KAZN: variants seen among roughly 807,000 people sequenced by gnomAD.
KAZN encodes kazrin, periplakin interacting protein, also known as kazrin.
Under a neutral mutation model 87.4 loss-of-function variants are expected in KAZN, and 40 were observed. That is an observed-to-expected ratio of 0.46 (90% CI 0.36 to 0.60). The LOEUF (loss-of-function observed/expected upper bound fraction) is 0.60. Ranked by LOEUF, KAZN falls within the 20% of genes least tolerant of loss-of-function variation. The pLI, the probability that KAZN is intolerant of heterozygous loss-of-function variation, is 0.00. For synonymous variants in KAZN, 466 were observed against 458.3 expected, an observed-to-expected ratio of 1.02 and a Z score of -0.22; for missense variants, 898 against 1,073.9, an observed-to-expected ratio of 0.84 and a Z score of 2.29.
chr1:14,934,021 A>AT (rs577427377), intron 1 of KAZN, among the ~76,000 whole-genome samples: 3 of 150,456 alleles, frequency 2.0e-5, no homozygotes, highest in East Asian at 4.0e-4. Context: ...ACGCCTGGCT[A>AT]TTTTTTTGTA....
At chr1:15,029,016 TATCTTCC>T (rs1671431057) in intron 2 of KAZN, among the ~76,000 whole-genome samples, 1 of 152,222 alleles carries the variant, frequency 6.6e-6, no homozygotes, top group African/African-American at 2.4e-5. Context: ...TCTTAGCTCA[TATCTTCC>T]ATCCTTGTGC....
intron 1 of KAZN, among the ~76,000 whole-genome samples, chr1:13,973,888 T>C (rs565822993): frequency 9.9e-5 from 15 of 152,256 alleles, no homozygotes; most frequent in Non-Finnish European, 1.9e-4. Flanking sequence ...CTGCATCGGG[T>C]GTCCCCACGA....
chr1:14,909,199 C>T (rs1185160389), intron 1 of KAZN, among the ~76,000 whole-genome samples: 1 of 152,142 alleles, frequency 6.6e-6, no homozygotes, highest in Non-Finnish European at 1.5e-5. Flanking sequence ...TAGGGTTTGG[C>T]GGCACATGGT....
Position 14,883,368 on chromosome 1 carries a change from A to G in KAZN, c.227-77316A>G, listed in dbSNP as rs1291974794. 5.1e-5 allele frequency among the ~76,000 whole-genome samples: 4 copies of G among 78,892 alleles called. 1 individual carries two copies. Among genetic ancestry groups the G allele is most frequent in the Non-Finnish European group, 7.7e-5 (3 of 38,922 alleles). The allele number at this position is 78,892 out of a possible 152,430, so 51.8% of individuals were successfully genotyped here. A position where few individuals can be genotyped will look rare whatever the true frequency, so the allele number is the denominator to read the frequency against. ...AAAGAAAGAAAGAAAAGAAAGAAAG[A>G]AAGAAAGAAAGAAAGAAAGAAAGAA... On this transcript the variant is annotated intron_variant, in intron 1 of 14. Transcript: ENST00000376030.
At chr1:15,023,928 T>G (rs1670934346) in intron 2 of KAZN, among the ~76,000 whole-genome samples, 1 of 151,982 alleles carries the variant, frequency 6.6e-6, no homozygotes, top group Non-Finnish European at 1.5e-5. Context: ...TCAAGGAAGA[T>G]TCCAGAGTTT....
At chr1:14,249,879 C>A (rs763521304) in intron 2 of KAZN, among the ~76,000 whole-genome samples, 12 of 150,004 alleles carry the variant, frequency 8.0e-5, no homozygotes, top group Non-Finnish European at 1.5e-4. Flanking sequence ...AAAAAAAAAA[C>A]AGATACCCCT....
At chr1:14,817,438 C>T (rs1466895590) in intron 1 of KAZN, among the ~76,000 whole-genome samples, 1 of 152,200 alleles carries the variant, frequency 6.6e-6, no homozygotes, top group African/African-American at 2.4e-5. Context: ...GCTCCCCTCC[C>T]TATCTAGCAT....
At chr1:14,039,835 C>G (rs1213532384) in intron 1 of KAZN, among the ~76,000 whole-genome samples, 1 of 152,174 alleles carries the variant, frequency 6.6e-6, no homozygotes, top group Non-Finnish European at 1.5e-5. Flanking sequence ...TGTGGATTAT[C>G]TAGATTTTTC....
intron 1 of KAZN, among the ~76,000 whole-genome samples, chr1:14,826,283 G>T (rs1646883102): frequency 1.3e-5 from 2 of 152,364 alleles, no homozygotes; most frequent in African/African-American, 4.8e-5. Context: ...TGTGCTAATT[G>T]TCTGCGGATG....
At chr1:14,239,953 G>C (rs893597458) in intron 2 of KAZN, among the ~76,000 whole-genome samples, 1 of 152,164 alleles carries the variant, frequency 6.6e-6, no homozygotes, top group African/African-American at 2.4e-5. Context: ...CCTCAACAAA[G>C]ATGTACCCAG....
intron 2 of KAZN, among the ~76,000 whole-genome samples, chr1:15,003,798 G>A (rs969773168): frequency 7.2e-5 from 11 of 152,074 alleles, no homozygotes; most frequent in Admixed American, 4.6e-4. Context: ...TCTTCCCCAG[G>A]TGTGCCGTAA....
At chr1:14,507,481 A>G (rs573254300) in intron 2 of KAZN, among the ~76,000 whole-genome samples, 1 of 152,332 alleles carries the variant, frequency 6.6e-6, no homozygotes, top group African/African-American at 2.4e-5. Flanking sequence ...TAGAAGACCT[A>G]AAGAGCCTGT....
chr1:14,246,624 C>A (rs1041038693), intron 2 of KAZN, among the ~76,000 whole-genome samples: 5 of 152,114 alleles, frequency 3.3e-5, no homozygotes, highest in African/African-American at 1.2e-4. Flanking sequence ...TTCCAACACC[C>A]CGATTGCATT....
In KAZN at chr1:14,320,728, C is replaced by T. The variant is rs561324589; in HGVS notation, c.249+140136C>T. 5.3e-5 allele frequency among the ~76,000 whole-genome samples: 8 copies of T among 152,252 alleles called. No homozygotes were observed. The East Asian group carries it at 1.4e-3, about 26-fold the overall frequency. The stretch of plus-strand genomic sequence containing the variant: ...TACAGTGACTTTTTCTTAGAAAAAC[C>T]GCAACAGTTGGCAGACTTTCCTTTA... On this transcript the variant is annotated intron_variant, in intron 2 of 16. Transcript: ENST00000636203.
intron 1 of KAZN, among the ~76,000 whole-genome samples, chr1:14,011,461 TC>T (rs1457620523): frequency 6.6e-6 from 1 of 152,198 alleles, no homozygotes; most frequent in Non-Finnish European, 1.5e-5. Context: ...GCCTGGCTTT[TC>T]TCTTGAGGTC....
chr1:14,210,472 T>A lies in KAZN; in HGVS notation c.249+29880T>A, dbSNP rs569758308. ...CATAGTCATCCTGCAGTTGGATGCC[T>A]GCTACAGTGGAGGTGAAACAAATTG... On this transcript the variant is annotated intron_variant, in intron 2 of 16. Transcript: ENST00000636203. Among the ~76,000 whole-genome samples the A allele has an allele frequency of 3.8e-4, 58 of 152,300 alleles. 1 individual carries two copies. The South Asian group carries it at 0.012, about 30-fold the overall frequency.
intron 2 of KAZN, among the ~76,000 whole-genome samples, chr1:14,424,552 T>C (rs906495779): frequency 3.9e-5 from 6 of 152,256 alleles, no homozygotes; most frequent in African/African-American, 1.4e-4. Flanking sequence ...TGCACGGCCA[T>C]TCACATGGAC....
intron 2 of KAZN, among the ~76,000 whole-genome samples, chr1:14,510,387 A>AAAC (rs1557767084): frequency 6.6e-6 from 1 of 151,842 alleles, no homozygotes; most frequent in Non-Finnish European, 1.5e-5. Context: ...TCAAAAAAAA[A>AAAC]AAACAAACAG....
intron 2 of KAZN, among the ~76,000 whole-genome samples, chr1:14,197,369 TA>T (rs34028778): frequency 0.66 from 86,416 of 131,898 alleles, 27,541 homozygotes; most frequent in African/African-American, 0.72. Flanking sequence ...TCTTTTAAAT[TA>T]AAAAAAAAGT....
Sources: gnomAD v4.1 joint callset for allele counts (sites outside exome capture counted in the v4.1 genomes callset) on GRCh38, gnomAD v4.1.1 for gene constraint, MANE v1.5 for transcripts, NCBI Gene and HGNC (gene_info 2026-07-23, HGNC 2026-07-21) for gene names.